Variants in GNG4 observed in about 807,000 individuals in gnomAD.
GNG4 encodes G protein subunit gamma 4.
GNG4 carries 4 observed loss-of-function variants against 5.8 expected under a neutral mutation model. That is an observed-to-expected ratio of 0.69 (90% CI 0.34 to 1.57). GNG4 has a LOEUF of 1.57. Among genes scored for constraint, GNG4 ranks in the 40% most tolerant of loss-of-function variants. The pLI is 0.06. For missense variants in GNG4, 96 were observed against 95.1 expected, an observed-to-expected ratio of 1.01 and a Z score of -0.04; for synonymous variants, 29 against 32.9, an observed-to-expected ratio of 0.88 and a Z score of 0.41.
At chr1:235,552,462 A>C (rs1472207962) in intron 3 of GNG4, among the ~76,000 whole-genome samples, 6 of 152,152 alleles carry the variant, frequency 3.9e-5, no homozygotes, top group African/African-American at 7.2e-5. Context: ...ATGGCAGGCC[A>C]GCATGGAGAC....
chr1:235,552,218 T>C lies in GNG4; in HGVS notation c.119A>G (p.Asp40Gly). 1 of 1,613,750 alleles carries C rather than the reference T, an allele frequency of 6.2e-7. No homozygotes were observed. The highest frequency in any genetic ancestry group is 8.5e-7 in the Non-Finnish European group (1 of 1,179,830). Residue 40 changes from aspartate to glycine, a missense_variant, in exon 4 of 4, where the codon GAC becomes GGC. Coordinates refer to ENST00000391854, the MANE Select transcript of GNG4 (RefSeq NM_001098722.2). ...DRVKVSQAAA[D>G]LLAYCEAHVR... ...GTGAGCTTCACAGTAGGCCAGGAGGTCCGCAGCTGCCTGGGAGACCTGTGA... is the reference window on the plus strand; with the variant it reads ...GTGAGCTTCACAGTAGGCCAGGAGGCCCGCAGCTGCCTGGGAGACCTGTGA...
chr1:235,605,955 T>TGGG (rs537694980), intron 1 of GNG4, among the ~76,000 whole-genome samples: 20 of 106,052 alleles, frequency 1.9e-4, no homozygotes, highest in East Asian at 5.2e-4. Context: ...ATTGAGAGTG[T>TGGG]GGGGGGGTGG....
intron 1 of GNG4, among the ~76,000 whole-genome samples, chr1:235,622,261 T>C (rs753439484): frequency 3.9e-5 from 6 of 152,218 alleles, no homozygotes; most frequent in African/African-American, 7.2e-5. Context: ...TGAGGTTAGA[T>C]TCTGATCTCA....
At chr1:235,595,320 C>G (rs80348146) in intron 2 of GNG4, 80 bp downstream of exon 2, 3,916 of 152,896 alleles carry the variant, frequency 0.026, 135 homozygotes, top group African/African-American at 0.073. Context: ...AACTGAGTCT[C>G]ACCCCAGCCC....
At chr1:235,582,677 T>G (rs1419829838) in intron 3 of GNG4, among the ~76,000 whole-genome samples, 2 of 152,224 alleles carry the variant, frequency 1.3e-5, no homozygotes, top group African/African-American at 2.4e-5. Flanking sequence ...TCCTCTAGTC[T>G]AGAGACCAAG....
chr1:235,602,913 C>T (rs1390085218), intron 1 of GNG4, among the ~76,000 whole-genome samples: 10 of 152,096 alleles, frequency 6.6e-5, no homozygotes, highest in Non-Finnish European at 1.5e-4. Context: ...TTGGCATTCC[C>T]TCAAGAATAG....
intron 2 of GNG4, among the ~76,000 whole-genome samples, chr1:235,590,747 C>T (rs982438662): frequency 5.9e-5 from 9 of 152,136 alleles, no homozygotes; most frequent in Non-Finnish European, 7.3e-5. Flanking sequence ...CACACCTGGA[C>T]GTCCGTATTT....
At chr1:235,645,797 C>CA (rs6143682) in intron 1 of GNG4, among the ~76,000 whole-genome samples, 2,087 of 89,962 alleles carry the variant, frequency 0.023, 56 homozygotes, top group East Asian at 0.097. Context: ...AACTCAGTCT[C>CA]AAAAAAAAAA....
At chr1:235,579,919 A>G (rs1687586119) in intron 3 of GNG4, among the ~76,000 whole-genome samples, 3 of 151,892 alleles carry the variant, frequency 2.0e-5, no homozygotes, top group African/African-American at 7.3e-5. Flanking sequence ...ACTTGTGGGT[A>G]CCCAAAGGAA....
At chr1:235,576,162 G>A (rs1043062493) in intron 3 of GNG4, among the ~76,000 whole-genome samples, 1 of 150,242 alleles carries the variant, frequency 6.7e-6, no homozygotes, top group Non-Finnish European at 1.5e-5. Context: ...CCGGATTCAA[G>A]CGATTCCCTT....
chr1:235,571,140 C>G (rs570634682), intron 3 of GNG4, among the ~76,000 whole-genome samples: 135 of 151,778 alleles, frequency 8.9e-4, no homozygotes, highest in African/African-American at 3.1e-3. Flanking sequence ...ATTGGGTAAA[C>G]GGTAGGAATA....
intron 1 of GNG4, among the ~76,000 whole-genome samples, chr1:235,630,840 G>C (rs948266511): frequency 6.6e-6 from 1 of 152,104 alleles, no homozygotes; most frequent in African/African-American, 2.4e-5. Context: ...CCAACTCAAT[G>C]TCAACAGTAA....
chr1:235,636,950 TG>T, intron 1 of GNG4, among the ~76,000 whole-genome samples: 1 of 151,972 alleles, frequency 6.6e-6, no homozygotes, highest in South Asian at 2.1e-4. Flanking sequence ...CACCTTGTCC[TG>T]ATGGTGATTC....
intron 3 of GNG4, among the ~76,000 whole-genome samples, chr1:235,579,990 T>C (rs933541744): frequency 6.6e-6 from 1 of 152,082 alleles, no homozygotes; most frequent in Admixed American, 6.6e-5. Context: ...TTATTTACAA[T>C]AGTCCAAAGG....
At chr1:235,587,419 GGTGT>G (rs1186478868) in intron 2 of GNG4, among the ~76,000 whole-genome samples, 9 of 82,790 alleles carry the variant, frequency 1.1e-4, no homozygotes, top group African/African-American at 4.3e-4. Context: ...GAGGGGTGGG[GGTGT>G]GTGTGTGAGG....
intron 2 of GNG4, among the ~76,000 whole-genome samples, chr1:235,593,325 T>C (rs145506266): frequency 4.3e-4 from 66 of 152,328 alleles, no homozygotes; most frequent in Non-Finnish European, 7.9e-4. Flanking sequence ...GGGAGACCAA[T>C]GCAAGGCGGT....
intron 1 of GNG4, among the ~76,000 whole-genome samples, chr1:235,610,603 A>G (rs188329072): frequency 2.4e-4 from 36 of 152,306 alleles, no homozygotes; most frequent in African/African-American, 7.5e-4. Context: ...GGATTTGGCC[A>G]GTGGGAGCCC....
Position 235,555,721 on chromosome 1 carries a change from C to A in GNG4, c.100-3484G>T, listed in dbSNP as rs1336596636. 2.7e-5 allele frequency among the ~76,000 whole-genome samples: 4 copies of A among 149,188 alleles called. No homozygotes were observed. In the East Asian group the frequency reaches 5.9e-4, roughly 22 times the overall value. On this transcript the variant is annotated intron_variant, in intron 3 of 3. Coordinates refer to ENST00000391854, the MANE Select transcript of GNG4 (RefSeq NM_001098722.2). ...AGTAGAATTCCTTATTTATAATTGACAAATAAAAATGGAATATATTTATGG... is the reference window on the plus strand; with the variant it reads ...AGTAGAATTCCTTATTTATAATTGAAAAATAAAAATGGAATATATTTATGG...
At chr1:235,567,411 A>G (rs1331221983) in intron 3 of GNG4, among the ~76,000 whole-genome samples, 1 of 152,160 alleles carries the variant, frequency 6.6e-6, no homozygotes, top group African/African-American at 2.4e-5. Flanking sequence ...TATCAGTACC[A>G]TCCGTCTCCA....
Sources: gnomAD v4.1 joint callset for allele counts (sites outside exome capture counted in the v4.1 genomes callset) on GRCh38, gnomAD v4.1.1 for gene constraint, MANE v1.5 for transcripts, NCBI Gene and HGNC (gene_info 2026-07-23, HGNC 2026-07-21) for gene names.